Variants in MYO10 observed in about 807,000 individuals in gnomAD.
MYO10 encodes unconventional myosin-X.
A neutral mutation model predicts 257.3 loss-of-function variants in MYO10; 133 were observed. The observed-to-expected ratio is 0.52, with a 90% confidence interval of 0.45 to 0.60. The LOEUF (loss-of-function observed/expected upper bound fraction) is 0.60, where lower values mean the gene tolerates loss of function less well. Among genes scored for constraint, MYO10 ranks in the 20% least tolerant of loss-of-function variants. MYO10 has a pLI of 0.00. For missense variants in MYO10, 2,399 were observed against 2,635.7 expected (o/e 0.91, Z 1.97); for synonymous variants, 1,104 against 1,028.6 (o/e 1.07, Z -1.40).
At chr5:16,734,162 A>G (rs1488721148) in intron 19 of MYO10, among the ~76,000 whole-genome samples, 1 of 152,140 alleles carries the variant, frequency 6.6e-6, no homozygotes, top group East Asian at 1.9e-4. Context: ...AAATCCAAGA[A>G]GCAGCAGACA....
chr5:16,868,017 G>A (rs954024554), intron 2 of MYO10, among the ~76,000 whole-genome samples: 1 of 152,162 alleles, frequency 6.6e-6, no homozygotes, highest in Non-Finnish European at 1.5e-5. Context: ...ATGGGCTGCA[G>A]TAAACTGAAT....
intron 2 of MYO10, among the ~76,000 whole-genome samples, chr5:16,870,610 G>A (rs934322214): frequency 2.0e-5 from 3 of 146,412 alleles, no homozygotes; most frequent in South Asian, 2.1e-4. Flanking sequence ...TAAAAATTTC[G>A]CAGCAGGCAC....
intron 30 of MYO10, 128 bp downstream of exon 30, chr5:16,683,751 CA>C: frequency 2.4e-6 from 2 of 828,500 alleles, no homozygotes; most frequent in Non-Finnish European, 3.8e-6. Context: ...CTGGGGTTGA[CA>C]AGGTGGGAAC....
chr5:16,799,922 G>A (rs538966991), intron 3 of MYO10, among the ~76,000 whole-genome samples: 3 of 152,246 alleles, frequency 2.0e-5, no homozygotes, highest in South Asian at 4.2e-4. Flanking sequence ...CTGCTAAGCC[G>A]AGTCCCTGCC....
chr5:16,883,397 T>C (rs1394152830), intron 1 of MYO10, among the ~76,000 whole-genome samples: 2 of 152,166 alleles, frequency 1.3e-5, no homozygotes, highest in Admixed American at 6.5e-5. Flanking sequence ...GTTGAATTCA[T>C]TAAGTCTCTG....
chr5:16,791,768 T>A (rs1282313492), intron 4 of MYO10, among the ~76,000 whole-genome samples: 2 of 152,234 alleles, frequency 1.3e-5, no homozygotes, highest in South Asian at 4.1e-4. Flanking sequence ...CTGTTAATCT[T>A]CTTAAATTAT....
chr5:16,793,458 G>A (rs1560987702), intron 4 of MYO10, among the ~76,000 whole-genome samples: 1 of 152,016 alleles, frequency 6.6e-6, no homozygotes, highest in Non-Finnish European at 1.5e-5. Context: ...CAAGTAGCTG[G>A]AACTATAGGC....
Position 16,683,887 on chromosome 5 carries a change from G to A in MYO10, c.4039C>T (p.Pro1347Ser). 3.7e-6 allele frequency: 6 copies of A among 1,613,690 alleles called. No homozygotes were observed. Among genetic ancestry groups the A allele is most frequent in the Non-Finnish European group, 5.1e-6 (6 of 1,179,816 alleles). Residue 1347 changes from proline (P) to serine (S), a missense_variant, in exon 30 of 41, where the codon CCT becomes TCT. By Grantham distance (74) the Pro-to-Ser change is moderately conservative (BLOSUM62 -1). This residue lies in a region of MYO10 where 1,820 missense variants were observed against 1,939.4 expected (regional missense o/e 0.94). Coordinates refer to ENST00000513610, the MANE Select transcript of MYO10 (RefSeq NM_012334.3). ...LIDSVCASDS[P>S]DRPNSFVIIT... ...AGCCACATCTGAGCTTACCTATCAG[G>A]GCTGTCAGAGGCACACACAGAATCA...
intron 27 of MYO10, 82 bp downstream of exon 27, chr5:16,694,289 G>A: frequency 1.9e-6 from 3 of 1,582,024 alleles, no homozygotes; most frequent in Non-Finnish European, 1.7e-6. Flanking sequence ...GCCGCTGCAA[G>A]GAACTTGCAC....
At chr5:16,880,408 G>T (rs166226) in intron 1 of MYO10, among the ~76,000 whole-genome samples, 1 of 150,694 alleles carries the variant, frequency 6.6e-6, no homozygotes, top group Admixed American at 6.6e-5. Flanking sequence ...AGAGTTCCCC[G>T]GAGAGTTATA....
chr5:16,695,077 T>C (rs1737679808), intron 26 of MYO10, among the ~76,000 whole-genome samples: 1 of 152,230 alleles, frequency 6.6e-6, no homozygotes, highest in African/African-American at 2.4e-5. Context: ...CTCATGCCTG[T>C]AATCCCAGCA....
chr5:16,786,785 T>C (rs1234675889), intron 4 of MYO10, among the ~76,000 whole-genome samples: 1 of 152,080 alleles, frequency 6.6e-6, no homozygotes, highest in Admixed American at 6.6e-5. Context: ...TCTACGGTGG[T>C]GGCTCTCAAC....
At chr5:16,877,571 A>C in intron 2 of MYO10, 38 bp downstream of exon 2, 1 of 1,527,756 alleles carries the variant, frequency 6.5e-7, no homozygotes, top group Non-Finnish European at 9.1e-7. Flanking sequence ...TACAAAGCAG[A>C]CCATGGATGT....
chr5:16,846,007 C>T (rs1024467573), intron 2 of MYO10, among the ~76,000 whole-genome samples: 3 of 151,840 alleles, frequency 2.0e-5, no homozygotes, highest in East Asian at 3.9e-4. Flanking sequence ...TATTAGATGC[C>T]CTTACTTGAT....
At chr5:16,684,625 C>T (rs113929732) in intron 29 of MYO10, among the ~76,000 whole-genome samples, 1,524 of 152,232 alleles carry the variant, frequency 0.01, 25 homozygotes, top group African/African-American at 0.035. Context: ...ATATTGTGTC[C>T]TTTAATTAAA....
intron 3 of MYO10, among the ~76,000 whole-genome samples, chr5:16,805,862 T>C (rs1410248858): frequency 6.6e-6 from 1 of 152,200 alleles, no homozygotes; most frequent in Non-Finnish European, 1.5e-5. Flanking sequence ...TTAAAAATGT[T>C]GGAGAAGCTC....
At chr5:16,764,209 G>A in intron 12 of MYO10, 41 bp downstream of exon 12, 2 of 1,605,590 alleles carry the variant, frequency 1.2e-6, no homozygotes, top group Non-Finnish European at 1.7e-6. Flanking sequence ...GCTAATCATG[G>A]ACAGAAGAGA....
At chr5:16,854,155 TAAC>T (rs1296788482) in intron 2 of MYO10, 1 of 152,182 alleles carries the variant, frequency 6.6e-6, no homozygotes, top group African/African-American at 2.4e-5. Flanking sequence ...TCACTGCTCT[TAAC>T]TATATTTCTG....
chr5:16,926,434 G>A (rs1746134423), intron 1 of MYO10, among the ~76,000 whole-genome samples: 4 of 152,146 alleles, frequency 2.6e-5, no homozygotes, highest in Admixed American at 6.5e-5. Context: ...AGGTGGGGTG[G>A]CTCACGCCTG....
Sources: allele counts gnomAD v4.1 joint callset (sites outside exome capture counted in the v4.1 genomes callset), GRCh38; gene constraint gnomAD v4.1.1; regional missense constraint gnomAD v4.1.1; transcripts MANE v1.5; gene names NCBI Gene and HGNC (gene_info 2026-07-23, HGNC 2026-07-21).